Variants in XKR6 observed in about 807,000 individuals in gnomAD.
XKR6 encodes the protein XK-related protein 6.
In XKR6, 22 loss-of-function variants were observed where a neutral mutation model predicts 56.7. That is an observed-to-expected ratio of 0.39 (90% CI 0.28 to 0.55). The LOEUF is 0.55. Ranked by LOEUF, XKR6 falls within the 20% of genes least tolerant of loss-of-function variation. The pLI is 0.66. For missense variants in XKR6, 852 were observed against 889.0 expected (o/e 0.96, Z 0.53); for synonymous variants, 524 against 387.8 (o/e 1.35, Z -4.13).
At chr8:10,945,394 T>A (rs939434462) in intron 1 of XKR6, among the ~76,000 whole-genome samples, 1 of 152,042 alleles carries the variant, frequency 6.6e-6, no homozygotes, top group Non-Finnish European at 1.5e-5. Context: ...TGAGGCAGGA[T>A]AATTGCTTGA....
chr8:10,971,196 C>G (rs1023704555), intron 1 of XKR6, among the ~76,000 whole-genome samples: 3 of 151,646 alleles, frequency 2.0e-5, no homozygotes, highest in African/African-American at 7.3e-5. Flanking sequence ...CCGAGGTGGG[C>G]GGATCACGAG....
In XKR6 at chr8:10,911,434, T is replaced by G. The variant is rs183062678; in HGVS notation, c.962-12518A>C. On this transcript the variant is annotated intron_variant, in intron 2 of 2. Coordinates refer to ENST00000416569, the MANE Select transcript of XKR6 (RefSeq NM_173683.4). ...GAGATTGTATAAAAATATGTATATATAGAGGGTAAGTATACATATATAGAG... is the reference window on the plus strand; with the variant it reads ...GAGATTGTATAAAAATATGTATATAGAGAGGGTAAGTATACATATATAGAG... Among the ~76,000 whole-genome samples the G allele has an allele frequency of 1.5e-3, 214 of 146,656 alleles. 1 individual carries two copies. Among genetic ancestry groups the G allele is most frequent in the Admixed American group, 4.8e-3 (69 of 14,436 alleles).
At chr8:10,976,130 C>G (rs1429708002) in intron 1 of XKR6, among the ~76,000 whole-genome samples, 1 of 151,918 alleles carries the variant, frequency 6.6e-6, no homozygotes, top group South Asian at 2.1e-4. Context: ...GAGCCGAGAT[C>G]GTGCCACTGC....
At chr8:10,931,917 T>C (rs929084201) in intron 1 of XKR6, among the ~76,000 whole-genome samples, 6 of 151,978 alleles carry the variant, frequency 3.9e-5, no homozygotes, top group Non-Finnish European at 7.4e-5. Context: ...AAGCTACAGA[T>C]TGGGAGAAAA....
chr8:11,006,382 T>C (rs1036639773), intron 1 of XKR6, among the ~76,000 whole-genome samples: 1 of 152,140 alleles, frequency 6.6e-6, no homozygotes, highest in African/African-American at 2.4e-5. Flanking sequence ...GCTGCCCCTA[T>C]GGTCACAATT....
intron 1 of XKR6, among the ~76,000 whole-genome samples, chr8:11,087,348 C>T (rs1261243999): frequency 6.6e-6 from 1 of 152,208 alleles, no homozygotes; most frequent in African/African-American, 2.4e-5. Context: ...TTCCTTTCCA[C>T]CCCTCGGGGA....
chr8:11,046,846 A>T (rs1254132622), intron 1 of XKR6, among the ~76,000 whole-genome samples: 2 of 152,248 alleles, frequency 1.3e-5, no homozygotes, highest in African/African-American at 4.8e-5. Flanking sequence ...GATTTGCAAC[A>T]ACATGGATGA....
Position 11,200,509 on chromosome 8 carries a change from C to T in XKR6, c.764+67G>A. 7.2e-7 allele frequency: 1 copy of T among 1,379,604 alleles called. No homozygotes were observed. The allele number at this position is 1,379,604 out of a possible 1,614,324, so 85.5% of individuals were successfully genotyped here. Reference sequence around the variant, plus strand: ...TGGGCCCTTTCGAGGGGCCGCCCCGCGAAGCACCGGGAGGGCGGAGGGGGG... The same window carrying T: ...TGGGCCCTTTCGAGGGGCCGCCCCGTGAAGCACCGGGAGGGCGGAGGGGGG... On this transcript the variant is annotated intron_variant, in intron 1 of 2. Coordinates refer to ENST00000416569, the MANE Select transcript of XKR6 (RefSeq NM_173683.4). This position sits in a 1 kb window ranked among gnomAD's most constrained non-coding sequence, Gnocchi z 6.4.
rs73537368 is a variant in XKR6 at position 10,963,290 on chromosome 8, C to T, written c.765-38460G>A. On this transcript the variant is annotated intron_variant, in intron 1 of 2. Coordinates refer to ENST00000416569, the MANE Select transcript of XKR6 (RefSeq NM_173683.4). The stretch of plus-strand genomic sequence containing the variant: ...GCACTGGCAATCCCCTCTGTTCAAA[C>T]GTCAGTGTGTCAGCGAGGCCTTTCT... 3.1e-3 allele frequency among the ~76,000 whole-genome samples: 466 copies of T among 152,366 alleles called. 5 individuals carry two copies. Among genetic ancestry groups the T allele is most frequent in the African/African-American group, 0.01 (436 of 41,588 alleles).
chr8:10,898,991 A>G lies in XKR6; in HGVS notation c.962-75T>C. On this transcript the variant is annotated intron_variant, in intron 2 of 2. Coordinates refer to ENST00000416569, the MANE Select transcript of XKR6 (RefSeq NM_173683.4). The surrounding 1 kb of genome is among the most constrained non-coding windows in gnomAD (Gnocchi z 6.6). Reference sequence around the variant, plus strand: ...CAGGGCACAGTGAAGCTGCCGGCTGAGGAGACGCCCACATACACCACGATC... The same window carrying G: ...CAGGGCACAGTGAAGCTGCCGGCTGGGGAGACGCCCACATACACCACGATC... The G allele has an allele frequency of 6.6e-7, 1 of 1,512,884 alleles. No individual in the cohort carries two copies. The highest frequency in any genetic ancestry group is 8.8e-7 in the Non-Finnish European group (1 of 1,139,344). The allele number at this position is 1,512,884 out of a possible 1,614,324, so 93.7% of individuals were successfully genotyped here.
intron 1 of XKR6, among the ~76,000 whole-genome samples, chr8:10,963,775 T>C (rs1802134376): frequency 1.3e-5 from 2 of 151,478 alleles, no homozygotes; most frequent in African/African-American, 4.9e-5. Context: ...AACCCCTGGA[T>C]TCAAGCAATC....
intron 1 of XKR6, among the ~76,000 whole-genome samples, chr8:11,087,350 C>T (rs1218189362): frequency 1.3e-5 from 2 of 152,180 alleles, no homozygotes; most frequent in Non-Finnish European, 2.9e-5. Context: ...CCTTTCCACC[C>T]CTCGGGGAAG....
chr8:10,956,847 C>A (rs935688043), intron 1 of XKR6, among the ~76,000 whole-genome samples: 2 of 152,208 alleles, frequency 1.3e-5, no homozygotes, highest in African/African-American at 4.8e-5. Context: ...TAAGACCTCT[C>A]TCCTCTTCTG....
intron 1 of XKR6, chr8:11,062,714 C>G (rs1311951192): frequency 2.2e-6 from 1 of 455,706 alleles, no homozygotes. Context: ...TTTTATGGAA[C>G]AAACTCTTTT....
At chr8:11,171,338 T>C (rs1802358383) in intron 1 of XKR6, among the ~76,000 whole-genome samples, 1 of 152,260 alleles carries the variant, frequency 6.6e-6, no homozygotes. Flanking sequence ...TGTCGTCTAC[T>C]TAACCACTAA....
intron 1 of XKR6, among the ~76,000 whole-genome samples, chr8:10,995,028 C>A (rs112478734): frequency 1.3e-5 from 2 of 152,140 alleles, no homozygotes; most frequent in African/African-American, 4.8e-5. Context: ...TATGGTGGGG[C>A]CTCCTTGTAC....
intron 1 of XKR6, among the ~76,000 whole-genome samples, chr8:11,141,525 G>T (rs879136247): frequency 6.6e-6 from 1 of 152,234 alleles, no homozygotes; most frequent in South Asian, 2.1e-4. Context: ...GCGGTCCTTA[G>T]AGGATAGGTG....
chr8:11,182,365 TCATTACAGG>T (rs1030541212), intron 1 of XKR6, among the ~76,000 whole-genome samples: 11 of 152,224 alleles, frequency 7.2e-5, no homozygotes, highest in African/African-American at 2.7e-4. Context: ...TTAAACCCTG[TCATTACAGG>T]CATCACTGTG....
At chr8:11,055,892 G>A (rs1410725498) in intron 1 of XKR6, among the ~76,000 whole-genome samples, 1 of 152,176 alleles carries the variant, frequency 6.6e-6, no homozygotes, top group African/African-American at 2.4e-5. Context: ...CGTAAAACCT[G>A]ATTTCCTTCA....
Sources: allele counts gnomAD v4.1 joint callset (sites outside exome capture counted in the v4.1 genomes callset), GRCh38; gene constraint gnomAD v4.1.1; non-coding constraint Gnocchi (gnomAD v3.1); transcripts MANE v1.5; gene names NCBI Gene and HGNC (gene_info 2026-07-23, HGNC 2026-07-21).